The following SMAP1 variants were observed in gnomAD, a reference collection of about 807,000 sequenced individuals.
SMAP1 encodes the protein small ArfGAP 1, also known as stromal membrane-associated protein 1.
SMAP1 carries 24 observed loss-of-function variants against 58.5 expected under a neutral mutation model. That is an observed-to-expected ratio of 0.41 (90% CI 0.30 to 0.58). The LOEUF (loss-of-function observed/expected upper bound fraction) is 0.58. SMAP1 is among the 20% of genes least tolerant of loss of function. SMAP1 has a pLI of 0.29. For synonymous variants in SMAP1, 216 were observed against 196.6 expected, an observed-to-expected ratio of 1.10 and a Z score of -0.82; for missense variants, 563 against 566.3, an observed-to-expected ratio of 0.99 and a Z score of 0.06.
intron 1 of SMAP1, among the ~76,000 whole-genome samples, chr6:70,680,785 C>G (rs1208167747): frequency 8.4e-6 from 1 of 119,732 alleles, no homozygotes; most frequent in Admixed American, 1.2e-4. Context: ...GTGGTATGAT[C>G]TCGGCTCACT....
In SMAP1 at chr6:70,701,992, A is replaced by C. The variant is rs573506833; in HGVS notation, c.119-30386A>C. On this transcript the variant is annotated intron_variant, in intron 1 of 10. Transcript: ENST00000370455. ...TTTCAAAAGATGTTTTAGTATGGCAAAAAGTTCTACGTTGACAGTATTTTA... is the reference window on the plus strand; with the variant it reads ...TTTCAAAAGATGTTTTAGTATGGCACAAAGTTCTACGTTGACAGTATTTTA... Among the ~76,000 whole-genome samples, 271 of 152,322 alleles carry C rather than the reference A, an allele frequency of 1.8e-3. 1 individual carries two copies. Among genetic ancestry groups the C allele is most frequent in the African/African-American group, 6.3e-3 (261 of 41,568 alleles).
In SMAP1 at chr6:70,852,621, T is replaced by C. The variant is rs1771232115; in HGVS notation, c.746T>C (p.Met249Thr). Residue 249 changes from methionine (M) to threonine (T), a missense_variant, in exon 8 of 11, where the codon ATG becomes ACG. This residue lies in a region of SMAP1 where 494 missense variants were observed against 473.8 expected (regional missense o/e 1.04). Transcript: ENST00000370455. ...GATGATCTGGACATCTTTGGACCGA[T>C]GATTTCTAATCCCTTACCTGCAACT... The part of the protein sequence containing the change: ...LNDDLDIFGP[M>T]ISNPLPATVM... 6.2e-7 allele frequency: 1 copy of C among 1,610,370 alleles called. No homozygotes were observed. The highest frequency in any genetic ancestry group is 8.5e-7 in the Non-Finnish European group (1 of 1,178,162).
At position 70,860,880 on chromosome 6, in the gene SMAP1, G is replaced by A. The variant is rs1771691671; in HGVS notation, c.*546G>A. 2.5e-6 allele frequency: 1 copy of A among 392,618 alleles called. No individual in the cohort carries two copies. Among genetic ancestry groups the A allele is most frequent in the Non-Finnish European group, 4.5e-6 (1 of 222,410 alleles). The allele number at this position is 392,618 out of a possible 1,614,324, so 24.3% of individuals were successfully genotyped here. A position where few individuals can be genotyped will look rare whatever the true frequency, so the allele number is the denominator to read the frequency against. Reference sequence around the variant, plus strand: ...TTAACAGGGAACGTGATTAGTGAAAGGAAGATAAACGTGGATGTTACTCCA... The same window carrying A: ...TTAACAGGGAACGTGATTAGTGAAAAGAAGATAAACGTGGATGTTACTCCA... On this transcript the variant is annotated 3_prime_UTR_variant, in exon 11 of 11. Coordinates refer to ENST00000370455, the MANE Select transcript of SMAP1 (RefSeq NM_001044305.3).
intron 1 of SMAP1, among the ~76,000 whole-genome samples, chr6:70,683,429 C>G (rs562674101): frequency 6.6e-6 from 1 of 152,124 alleles, no homozygotes; most frequent in South Asian, 2.1e-4. Flanking sequence ...CTTGGCCTCT[C>G]AAAGTGTTGG....
chr6:70,849,021 C>CA (rs1379508896), intron 7 of SMAP1, among the ~76,000 whole-genome samples: 1 of 152,100 alleles, frequency 6.6e-6, no homozygotes. Context: ...GTTAAGGGAT[C>CA]AATCACATGG....
chr6:70,822,485 T>C (rs1184293691), intron 6 of SMAP1, among the ~76,000 whole-genome samples: 1 of 152,152 alleles, frequency 6.6e-6, no homozygotes, highest in Non-Finnish European at 1.5e-5. Flanking sequence ...CCTTAACCAA[T>C]ATGCTATATG....
At chr6:70,725,157 C>T (rs1335658410) in intron 1 of SMAP1, among the ~76,000 whole-genome samples, 1 of 111,694 alleles carries the variant, frequency 9.0e-6, no homozygotes, top group African/African-American at 3.4e-5. Flanking sequence ...CGCTCTGTCG[C>T]CCAGGCTGGA....
At chr6:70,798,253 C>G (rs193243091) in intron 5 of SMAP1, among the ~76,000 whole-genome samples, 1 of 150,862 alleles carries the variant, frequency 6.6e-6, no homozygotes, top group African/African-American at 2.4e-5. Context: ...ATAAAGAAGT[C>G]TGTTCTATCA....
intron 6 of SMAP1, among the ~76,000 whole-genome samples, chr6:70,828,738 C>T (rs149224965): frequency 1.8e-4 from 27 of 152,312 alleles, no homozygotes; most frequent in Non-Finnish European, 3.5e-4. Flanking sequence ...CAGTCAGATA[C>T]AAGCACCATC....
At chr6:70,829,038 G>A (rs750492440) in intron 6 of SMAP1, among the ~76,000 whole-genome samples, 7 of 152,168 alleles carry the variant, frequency 4.6e-5, no homozygotes, top group African/African-American at 1.2e-4. Flanking sequence ...AGAGTGCACC[G>A]TGTTTCCTAT....
intron 1 of SMAP1, among the ~76,000 whole-genome samples, chr6:70,690,154 A>G (rs540074139): frequency 6.6e-6 from 1 of 152,264 alleles, no homozygotes; most frequent in Admixed American, 6.5e-5. Flanking sequence ...TTCAGACTTT[A>G]TCTTTTATGT....
At chr6:70,803,734 G>A (rs1029716350) in intron 6 of SMAP1, among the ~76,000 whole-genome samples, 7 of 152,110 alleles carry the variant, frequency 4.6e-5, no homozygotes, top group African/African-American at 1.7e-4. Flanking sequence ...CGTTATTTCT[G>A]CCTTCATTTC....
intron 4 of SMAP1, among the ~76,000 whole-genome samples, chr6:70,788,980 A>T (rs1376497185): frequency 6.6e-6 from 1 of 152,090 alleles, no homozygotes; most frequent in East Asian, 1.9e-4. Flanking sequence ...CCTACTAGAG[A>T]TTTAGAAAGA....
At position 70,726,872 on chromosome 6, in the gene SMAP1, G is replaced by A. The variant is rs1042719385; in HGVS notation, c.119-5506G>A. ...GTCATGTAATATTATACAAATTTTA[G>A]GGGTGTGTGTGTGTGTGTGTGTGTG... On this transcript the variant is annotated intron_variant, in intron 1 of 10. Coordinates refer to ENST00000370455, the MANE Select transcript of SMAP1 (RefSeq NM_001044305.3). Among the ~76,000 whole-genome samples, 3 of 110,574 alleles carry A rather than the reference G, an allele frequency of 2.7e-5. No individual in the cohort carries two copies. The East Asian group carries it at 9.0e-4, about 33-fold the overall frequency. The allele number at this position is 110,574 out of a possible 152,430, so 72.5% of individuals were successfully genotyped here.
intron 4 of SMAP1, among the ~76,000 whole-genome samples, chr6:70,786,629 C>G (rs1768045036): frequency 6.6e-6 from 1 of 152,036 alleles, no homozygotes; most frequent in Admixed American, 6.6e-5. Context: ...AATCAGTGTA[C>G]AAAAATCACA....
chr6:70,705,963 C>CTCAT (rs1373837764), intron 1 of SMAP1, among the ~76,000 whole-genome samples: 1 of 152,090 alleles, frequency 6.6e-6, no homozygotes, highest in Admixed American at 6.5e-5. Context: ...ACTTCATGAA[C>CTCAT]TCAGAGTCCA....
intron 2 of SMAP1, among the ~76,000 whole-genome samples, chr6:70,751,676 T>G (rs369351844): frequency 6.6e-6 from 1 of 152,152 alleles, no homozygotes; most frequent in African/African-American, 2.4e-5. Flanking sequence ...GTGATTTATT[T>G]GATAGCCTCA....
chr6:70,794,706 C>A (rs181233945), intron 5 of SMAP1, among the ~76,000 whole-genome samples: 114 of 152,084 alleles, frequency 7.5e-4, no homozygotes, highest in African/African-American at 2.7e-3. Context: ...CTAGCCTCAT[C>A]CATGTCCCTA....
chr6:70,852,805 CT>C, intron 8 of SMAP1, 141 bp downstream of exon 8: 1 of 999,950 alleles, frequency 1.0e-6, no homozygotes, highest in Non-Finnish European at 1.4e-6. Flanking sequence ...GTTTAGCAAA[CT>C]AAGCCAGCAG....
Sources: allele counts gnomAD v4.1 joint callset (sites outside exome capture counted in the v4.1 genomes callset), GRCh38; gene constraint gnomAD v4.1.1; regional missense constraint gnomAD v4.1.1; transcripts MANE v1.5; gene names NCBI Gene and HGNC (gene_info 2026-07-23, HGNC 2026-07-21).